The following NTNG1 variants were observed in gnomAD, a reference collection of about 807,000 sequenced individuals.
The protein encoded by NTNG1 is netrin G1, also known as netrin-G1.
Under a neutral mutation model 54.0 loss-of-function variants are expected in NTNG1, and 16 were observed. The observed-to-expected ratio is 0.30, with a 90% CI of 0.20 to 0.45. The LOEUF is 0.45. NTNG1 is among the 20% of genes least tolerant of loss of function. The pLI is 1.00. For missense variants in NTNG1, 530 were observed against 678.7 expected, an observed-to-expected ratio of 0.78 and a Z score of 2.43; for synonymous variants, 255 against 263.1, an observed-to-expected ratio of 0.97 and a Z score of 0.30.
At chr1:107,262,669 G>A (rs1358349539) in intron 2 of NTNG1, among the ~76,000 whole-genome samples, 2 of 152,180 alleles carry the variant, frequency 1.3e-5, no homozygotes, top group Non-Finnish European at 2.9e-5. Context: ...ATTAGAAGGT[G>A]TTGAAAATCG....
chr1:107,347,440 A>G (rs934983704), intron 3 of NTNG1, among the ~76,000 whole-genome samples: 1 of 152,130 alleles, frequency 6.6e-6, no homozygotes, highest in African/African-American at 2.4e-5. Context: ...TTTTGAGTCT[A>G]GGTGATTGAG....
At chr1:107,422,551 G>A (rs1674641824) in intron 5 of NTNG1, among the ~76,000 whole-genome samples, 1 of 151,972 alleles carries the variant, frequency 6.6e-6, no homozygotes, top group Admixed American at 6.6e-5. Flanking sequence ...TCACATCATC[G>A]TCAAATGATA....
Position 107,425,574 on chromosome 1 carries a change from C to T in NTNG1, c.1088-5176C>T, listed in dbSNP as rs534944550. On this transcript the variant is annotated intron_variant, in intron 5 of 7. Coordinates refer to ENST00000370068, the MANE Select transcript of NTNG1 (RefSeq NM_001113226.3). ...TATATGCACATTTTCTTTATTTAAT[C>T]AACCATTGGTGGACACTTAGGATGG... Among the ~76,000 whole-genome samples the T allele has an allele frequency of 4.6e-5, 7 of 152,198 alleles. No homozygotes were observed. The East Asian group carries it at 1.4e-3, about 29-fold the overall frequency.
intron 2 of NTNG1, among the ~76,000 whole-genome samples, chr1:107,164,969 G>A (rs1655671023): frequency 6.6e-6 from 1 of 152,130 alleles, no homozygotes; most frequent in African/African-American, 2.4e-5. Flanking sequence ...CACAGTCTAA[G>A]CTAATTCCGA....
At chr1:107,393,911 A>C (rs1189943878) in intron 3 of NTNG1, among the ~76,000 whole-genome samples, 1 of 152,174 alleles carries the variant, frequency 6.6e-6, no homozygotes, top group Non-Finnish European at 1.5e-5. Context: ...CATTTGGCCC[A>C]AGAGAAAAAT....
chr1:107,273,782 C>G (rs560299259), intron 2 of NTNG1, among the ~76,000 whole-genome samples: 1 of 152,106 alleles, frequency 6.6e-6, no homozygotes, highest in Non-Finnish European at 1.5e-5. Context: ...AGTCATGTAC[C>G]CATAGTACCC....
intron 2 of NTNG1, among the ~76,000 whole-genome samples, chr1:107,170,439 G>A (rs1232310861): frequency 6.6e-6 from 1 of 152,008 alleles, no homozygotes; most frequent in Non-Finnish European, 1.5e-5. Context: ...TAGGTTAAGG[G>A]AAGTCTGTTC....
intron 7 of NTNG1, among the ~76,000 whole-genome samples, chr1:107,461,924 G>C (rs1677307858): frequency 6.6e-6 from 1 of 152,152 alleles, no homozygotes; most frequent in African/African-American, 2.4e-5. Context: ...TCTGGCTACT[G>C]TGTGGACAAT....
intron 2 of NTNG1, among the ~76,000 whole-genome samples, chr1:107,271,624 G>T (rs1331032494): frequency 6.6e-6 from 1 of 152,120 alleles, no homozygotes; most frequent in Non-Finnish European, 1.5e-5. Context: ...CCTTTAGTTT[G>T]CTGTAGATGG....
chr1:107,159,712 G>A (rs893754418), intron 2 of NTNG1, among the ~76,000 whole-genome samples: 4 of 152,088 alleles, frequency 2.6e-5, no homozygotes, highest in African/African-American at 4.8e-5. Context: ...TTTTTGATTT[G>A]GGCTGTGAGC....
intron 3 of NTNG1, among the ~76,000 whole-genome samples, chr1:107,382,491 A>G (rs1671710088): frequency 6.6e-6 from 1 of 152,214 alleles, no homozygotes; most frequent in Non-Finnish European, 1.5e-5. Flanking sequence ...ATTTAACCAG[A>G]TAGACAGAAA....
At chr1:107,345,456 C>T (rs1156979829) in intron 3 of NTNG1, among the ~76,000 whole-genome samples, 2 of 152,130 alleles carry the variant, frequency 1.3e-5, no homozygotes, top group African/African-American at 2.4e-5. Flanking sequence ...AGGTGTGAGC[C>T]GCTGTGGCAC....
chr1:107,396,092 G>C (rs1672667002), intron 4 of NTNG1, among the ~76,000 whole-genome samples: 1 of 152,118 alleles, frequency 6.6e-6, no homozygotes, highest in African/African-American at 2.4e-5. Flanking sequence ...CCAATTCCAT[G>C]GATGGACCAA....
At chr1:107,200,037 T>C (rs1658621599) in intron 2 of NTNG1, among the ~76,000 whole-genome samples, 1 of 151,886 alleles carries the variant, frequency 6.6e-6, no homozygotes, top group Admixed American at 6.6e-5. Context: ...TTAGAAGTAC[T>C]AGACATGACA....
chr1:107,160,989 C>G (rs1655358586), intron 2 of NTNG1, among the ~76,000 whole-genome samples: 1 of 152,114 alleles, frequency 6.6e-6, no homozygotes, highest in Admixed American at 6.6e-5. Context: ...GAAGAGATGA[C>G]AATGGTTTTA....
intron 6 of NTNG1, among the ~76,000 whole-genome samples, chr1:107,434,486 A>C (rs1675477907): frequency 2.0e-5 from 3 of 152,214 alleles, no homozygotes; most frequent in African/African-American, 7.2e-5. Context: ...TAGAGGATAT[A>C]TGGTTTGTGA....
chr1:107,460,282 C>T, intron 7 of NTNG1: 1 of 463,330 alleles, frequency 2.2e-6, no homozygotes, highest in Non-Finnish European at 4.3e-6. Flanking sequence ...CATGAGCGCA[C>T]TCCCAGGTCT....
chr1:107,290,480 TA>T (rs1364073905), intron 2 of NTNG1, among the ~76,000 whole-genome samples: 2 of 152,152 alleles, frequency 1.3e-5, no homozygotes, highest in African/African-American at 4.8e-5. Flanking sequence ...CATTTTTTTT[TA>T]AATCTGCTTC....
chr1:107,418,258 G>A (rs762491305), intron 5 of NTNG1, among the ~76,000 whole-genome samples: 1 of 151,994 alleles, frequency 6.6e-6, no homozygotes, highest in East Asian at 1.9e-4. Flanking sequence ...CTAGTTTCAG[G>A]CACCAGCTTT....
Sources: gnomAD v4.1 joint callset for allele counts (sites outside exome capture counted in the v4.1 genomes callset) on GRCh38, gnomAD v4.1.1 for gene constraint, MANE v1.5 for transcripts, NCBI Gene and HGNC (gene_info 2026-07-23, HGNC 2026-07-21) for gene names.